Variants in RNF213 observed in about 807,000 individuals in gnomAD.
The protein encoded by RNF213 is E3 ubiquitin-protein ligase RNF213.
Under a neutral mutation model 514.4 loss-of-function variants are expected in RNF213, and 341 were observed. The ratio of observed to expected loss-of-function variants is 0.66; its 90% CI spans 0.61 to 0.73. RNF213 has a LOEUF of 0.73. Ranked by LOEUF, RNF213 falls within the 30% of genes least tolerant of loss-of-function variation. The pLI is 0.00. For synonymous variants in RNF213, 2,655 were observed against 2,658.2 expected, an observed-to-expected ratio of 1.00 and a Z score of 0.04; for missense variants, 5,767 against 6,615.6, an observed-to-expected ratio of 0.87 and a Z score of 4.45.
intron 24 of RNF213, 31 bp from the exon 25 acceptor site, chr17:80,337,802 G>C: frequency 6.5e-7 from 1 of 1,536,430 alleles, no homozygotes; most frequent in Non-Finnish European, 8.7e-7. Flanking sequence ...CTGGCCCCAA[G>C]AAAGTGACTT....
At chr17:80,330,706 C>T (rs1459608890) in intron 20 of RNF213, among the ~76,000 whole-genome samples, 5 of 152,260 alleles carry the variant, frequency 3.3e-5, no homozygotes, top group South Asian at 4.1e-4. Context: ...CCAATCCACA[C>T]GCCCCCCTGC....
chr17:80,306,303 C>T lies in RNF213; in HGVS notation c.2262C>T (p.Asp754=), dbSNP rs750962448. Residue 754 remains aspartate (D), a synonymous_variant, in exon 12 of 68, where the codon GAC becomes GAT. Coordinates refer to ENST00000582970, the MANE Select transcript of RNF213 (RefSeq NM_001256071.3). ...MREKQHLLSI[D]EPLFRSWFSL... ...AGAAGCAGCATTTGCTGAGCATAGA[C>T]GAGCCTCTCTTCCGGTCCTGGTTTA... 9 of 1,613,988 alleles carry T rather than the reference C, an allele frequency of 5.6e-6. No homozygotes were observed. The highest frequency in any genetic ancestry group is 1.6e-4 in the Middle Eastern group (1 of 6,084).
Position 80,363,276 on chromosome 17 carries a change from G to A in RNF213, c.11530G>A (p.Glu3844Lys). 1.2e-6 allele frequency: 2 copies of A among 1,614,022 alleles called. No homozygotes were observed. Among genetic ancestry groups the A allele is most frequent in the South Asian group, 1.1e-5 (1 of 91,084 alleles). The change falls in exon 40 of 68, where the codon GAA becomes AAA. Residue 3844 changes from glutamate (E) to lysine (K), a missense_variant. Glu to Lys is a moderately conservative substitution (Grantham distance 56, BLOSUM62 1). Transcript: ENST00000582970. ...CCCTCAGGTTCTCCACAGCCTGATG[G>A]AAGCCCGTTGGAACCATGAGCTGGC... ...IYPQVLHSLMEARWNHELAGC... is the reference protein window; with the variant it reads ...IYPQVLHSLMKARWNHELAGC...
intron 21 of RNF213, chr17:80,333,827 G>T (rs1200246746): frequency 2.3e-6 from 1 of 427,968 alleles, no homozygotes; most frequent in East Asian, 4.4e-5. Flanking sequence ...TACTTGGCAG[G>T]GTTATGTGAG....
In RNF213 at chr17:80,386,297, G is replaced by A. The variant is rs760732823; in HGVS notation, c.14587G>A (p.Asp4863Asn). ...KDYCSTDLDL[D>N]TEFEILLPRR... is the part of the protein sequence containing the mutation. ...CTACTGCAGCACTGACTTGGATCTG[G>A]ACACTGAGTTTGAGATCCTCTTGCC... The change falls in exon 62 of 68, where the codon GAC (aspartate) becomes AAC (asparagine). Residue 4863 changes from aspartate (D) to asparagine (N), a missense_variant. By Grantham distance (23) the Asp-to-Asn change is conservative (BLOSUM62 1). Transcript: ENST00000582970. The A allele has an allele frequency of 1.5e-5, 24 of 1,613,126 alleles. No homozygotes were observed. In the East Asian group the frequency reaches 5.1e-4, roughly 34 times the overall value.
intron 14 of RNF213, among the ~76,000 whole-genome samples, chr17:80,311,525 C>T (rs1026589025): frequency 2.0e-5 from 3 of 152,240 alleles, no homozygotes; most frequent in Admixed American, 6.5e-5. Context: ...CTCCTGTGCC[C>T]AGCCCCCTCT....
At position 80,353,787 on chromosome 17, in the gene RNF213, C is replaced by T. The variant is rs1018929887; in HGVS notation, c.10578+121C>T. 1.7e-5 allele frequency: 24 copies of T among 1,376,396 alleles called. No homozygotes were observed. Among genetic ancestry groups the T allele is most frequent in the African/African-American group, 1.1e-4 (8 of 70,318 alleles). 85.3% of individuals were successfully genotyped at this position (1,376,396 alleles called of 1,614,324 possible). ...CGCCGCTGTGCAGGGGTGAGGATGG[C>T]GCCCCACTTTCCTCACACAGTGACG... On this transcript the variant is annotated intron_variant, in intron 34 of 67. Coordinates refer to ENST00000582970, the MANE Select transcript of RNF213 (RefSeq NM_001256071.3). This position sits in a 1 kb window ranked among gnomAD's most constrained non-coding sequence, Gnocchi z 5.0.
intron 10 of RNF213, among the ~76,000 whole-genome samples, chr17:80,296,692 T>C (rs997129287): frequency 2.6e-5 from 4 of 152,196 alleles, no homozygotes; most frequent in Admixed American, 6.5e-5. Flanking sequence ...TTTATTTATT[T>C]GTTGTTTTGA....
At chr17:80,278,809 T>C in intron 3 of RNF213, 1 of 1,537,154 alleles carries the variant, frequency 6.5e-7, no homozygotes, top group Non-Finnish European at 8.7e-7. Context: ...AGACCTCATA[T>C]CCGATGAATG....
At chr17:80,362,420 A>C (rs1364548854) in intron 39 of RNF213, among the ~76,000 whole-genome samples, 1 of 152,268 alleles carries the variant, frequency 6.6e-6, no homozygotes, top group Non-Finnish European at 1.5e-5. Flanking sequence ...ACAATTTTAT[A>C]ATCTCATTAA....
intron 14 of RNF213, among the ~76,000 whole-genome samples, chr17:80,312,204 A>T (rs1806016423): frequency 6.6e-6 from 1 of 152,084 alleles, no homozygotes; most frequent in African/African-American, 2.4e-5. Context: ...TCCCAGGAGG[A>T]GGTGGCCCTG....
At chr17:80,289,609 G>T in intron 5 of RNF213, 50 bp from the exon 6 acceptor site, 140 of 1,362,186 alleles carry the variant, frequency 1.0e-4, no homozygotes, top group Non-Finnish European at 1.2e-4. Context: ...AAAAAAAAAA[G>T]AAAATGTGGA....
Position 80,354,093 on chromosome 17 carries a change from C to G in RNF213, c.10653C>G (p.Asn3551Lys). The change falls in exon 35 of 68, where the codon AAC (asparagine) becomes AAG (lysine). Residue 3551 changes from asparagine to lysine, a missense_variant. Physicochemically the swap from Asn to Lys is moderately conservative, Grantham distance 94. This residue lies in a region of RNF213 where 919 missense variants were observed against 1,121.0 expected (regional missense o/e 0.82). Transcript: ENST00000582970. The part of the protein sequence containing the change: ...QSAVGMLRDQ[N>K]ESCTRNMRRV... The stretch of plus-strand genomic sequence containing the variant: ...CCGTGGGCATGCTCAGAGACCAGAA[C>G]GAGAGCTGCACGCGCAATATGCGGA... 5 of 1,614,100 alleles carry G rather than the reference C, an allele frequency of 3.1e-6. No homozygotes were observed. Among genetic ancestry groups the G allele is most frequent in the South Asian group, 1.1e-5 (1 of 91,088 alleles).
intron 47 of RNF213, 60 bp from the exon 48 acceptor site, chr17:80,372,461 C>A: frequency 8.0e-7 from 1 of 1,245,930 alleles, no homozygotes; most frequent in Non-Finnish European, 1.2e-6. Context: ...ACTGTAGAAG[C>A]TTGGGGCATC....
chr17:80,386,936 G>A (rs1480217491), intron 63 of RNF213, 45 bp downstream of exon 63: 1 of 1,551,430 alleles, frequency 6.4e-7, no homozygotes, highest in Admixed American at 1.8e-5. Flanking sequence ...TGTGTCTGTT[G>A]TGAACAAGCA....
At chr17:80,389,149 C>G in intron 64 of RNF213, 24 bp from the exon 65 acceptor site, 1 of 1,610,888 alleles carries the variant, frequency 6.2e-7, no homozygotes, top group Non-Finnish European at 8.5e-7. Flanking sequence ...CACAGACATC[C>G]CTCTCCTGCT....
At chr17:80,314,207 A>G (rs1294507441) in intron 15 of RNF213, among the ~76,000 whole-genome samples, 8 of 78,878 alleles carry the variant, frequency 1.0e-4, no homozygotes, top group Non-Finnish European at 1.5e-4. Flanking sequence ...TGGTGGAGGT[A>G]ATGGAGGTGA....
At chr17:80,293,868 G>T (rs1395395168) in intron 8 of RNF213, among the ~76,000 whole-genome samples, 1 of 151,862 alleles carries the variant, frequency 6.6e-6, no homozygotes, top group African/African-American at 2.4e-5. Context: ...CCTGGAGGTC[G>T]GCAGAAGCTT....
In RNF213 at chr17:80,384,934, A is replaced by C. The variant is rs1235156477; in HGVS notation, c.14323-105A>C. On this transcript the variant is annotated intron_variant, in intron 59 of 67. Coordinates refer to ENST00000582970, the MANE Select transcript of RNF213 (RefSeq NM_001256071.3). ...CATCACAGGAAATGACACTGACCAG[A>C]TTAAGCTACAAATACAAGTCTCGCA... The C allele has an allele frequency of 2.5e-6, 3 of 1,216,032 alleles. No homozygotes were observed. The East Asian group carries it at 7.2e-5, about 29-fold the overall frequency. 75.3% of individuals were successfully genotyped at this position (1,216,032 alleles called of 1,614,324 possible). A position where few individuals can be genotyped will look rare whatever the true frequency, so the allele number is the denominator to read the frequency against.
Sources: gnomAD v4.1 joint callset for allele counts (sites outside exome capture counted in the v4.1 genomes callset) on GRCh38, gnomAD v4.1.1 for gene constraint, gnomAD v4.1.1 regional missense constraint, Gnocchi (gnomAD v3.1) non-coding constraint, MANE v1.5 for transcripts, NCBI Gene and HGNC (gene_info 2026-07-23, HGNC 2026-07-21) for gene names.